The following ITFG1 variants were observed in gnomAD, a reference collection of about 807,000 sequenced individuals.
The protein encoded by ITFG1 is integrin alpha FG-GAP repeat containing 1.
In ITFG1, 34 loss-of-function variants were observed where a neutral mutation model predicts 81.8. The ratio of observed to expected loss-of-function variants is 0.42; its 90% CI spans 0.32 to 0.55. The LOEUF is 0.55. Among genes scored for constraint, ITFG1 ranks in the 20% least tolerant of loss-of-function variants. The probability of loss-of-function intolerance (pLI) is 0.17; values close to 1 mark genes in which losing one functional copy is unlikely to be tolerated. For synonymous variants in ITFG1, 285 were observed against 270.6 expected (o/e 1.05, Z -0.52); for missense variants, 672 against 755.4 (o/e 0.89, Z 1.29).
intron 8 of ITFG1, among the ~76,000 whole-genome samples, chr16:47,330,540 A>G (rs890037558): frequency 6.6e-6 from 1 of 152,150 alleles, no homozygotes; most frequent in South Asian, 2.1e-4. Context: ...TAAAAAGACA[A>G]CCTATAGAAT....
intron 9 of ITFG1, 52 bp from the exon 10 acceptor site, chr16:47,311,464 T>G: frequency 7.2e-7 from 1 of 1,393,672 alleles, no homozygotes; most frequent in Non-Finnish European, 9.6e-7. Context: ...ATAAAAAAAT[T>G]TATAATTTGC....
At chr16:47,367,026 A>G (rs1000809996) in intron 7 of ITFG1, among the ~76,000 whole-genome samples, 1 of 152,222 alleles carries the variant, frequency 6.6e-6, no homozygotes, top group Admixed American at 6.5e-5. Flanking sequence ...TTGGACCTCC[A>G]GTATTTCTGC....
chr16:47,266,214 G>T (rs951596421), intron 10 of ITFG1, among the ~76,000 whole-genome samples: 4 of 151,966 alleles, frequency 2.6e-5, no homozygotes, highest in Non-Finnish European at 4.4e-5. Flanking sequence ...AAATTTTTTT[G>T]TTTGTTTGTT....
chr16:47,373,367 C>T (rs943954410), intron 7 of ITFG1, among the ~76,000 whole-genome samples: 2 of 152,140 alleles, frequency 1.3e-5, no homozygotes, highest in Admixed American at 6.5e-5. Context: ...ACTGCAACCT[C>T]CACCTCCCAG....
intron 4 of ITFG1, 36 bp from the exon 5 acceptor site, chr16:47,451,506 T>C: frequency 8.9e-7 from 1 of 1,123,402 alleles, no homozygotes; most frequent in Non-Finnish European, 1.3e-6. Flanking sequence ...AGCTATTTCT[T>C]TAAATTCTTA....
At chr16:47,399,039 G>C (rs941764419) in intron 6 of ITFG1, among the ~76,000 whole-genome samples, 16 of 152,032 alleles carry the variant, frequency 1.1e-4, no homozygotes, top group African/African-American at 3.9e-4. Context: ...TCTCTTTACA[G>C]ACCAAAAAGA....
Position 47,459,143 on chromosome 16 carries a change from T to C in ITFG1, c.241A>G (p.Asn81Asp). 6.2e-7 allele frequency: 1 copy of C among 1,601,864 alleles called. No homozygotes were observed. The highest frequency in any genetic ancestry group is 2.2e-5 in the East Asian group (1 of 44,780). ...ACTTTGGGTTTAAAATAGGGTGCATTCTGGTCTGCCAAAAAGACGATTAAG... is the reference window on the plus strand; with the variant it reads ...ACTTTGGGTTTAAAATAGGGTGCATCCTGGTCTGCCAAAAAGACGATTAAG... Reference protein sequence around the residue: ...NDLIVFLADQNAPYFKPKVKV... With the variant: ...NDLIVFLADQDAPYFKPKVKV... The change falls in exon 2 of 18, where the codon AAT becomes GAT. Residue 81 changes from asparagine to aspartate, a missense_variant. Coordinates refer to ENST00000320640, the MANE Select transcript of ITFG1 (RefSeq NM_030790.5).
intron 8 of ITFG1, among the ~76,000 whole-genome samples, chr16:47,352,514 A>T (rs1967975778): frequency 6.6e-6 from 1 of 152,214 alleles, no homozygotes; most frequent in Admixed American, 6.5e-5. Flanking sequence ...TTGAGATACC[A>T]TCTATACCAG....
intron 9 of ITFG1, chr16:47,313,223 T>C (rs1967295869): frequency 6.6e-6 from 1 of 152,230 alleles, no homozygotes; most frequent in Admixed American, 6.5e-5. Flanking sequence ...CGTTATTCTA[T>C]CATTTATTAC....
At chr16:47,400,480 A>C (rs1405552323) in intron 6 of ITFG1, among the ~76,000 whole-genome samples, 1 of 152,028 alleles carries the variant, frequency 6.6e-6, no homozygotes, top group Non-Finnish European at 1.5e-5. Flanking sequence ...ACACACACAC[A>C]CACACACACC....
intron 10 of ITFG1, among the ~76,000 whole-genome samples, chr16:47,282,540 T>G (rs565113889): frequency 2.6e-5 from 4 of 152,300 alleles, no homozygotes; most frequent in Admixed American, 1.3e-4. Flanking sequence ...CTATGAATAG[T>G]GCTGCAAAAA....
intron 14 of ITFG1, among the ~76,000 whole-genome samples, chr16:47,204,114 AACT>A (rs1965462276): frequency 1.3e-5 from 2 of 152,296 alleles, no homozygotes; most frequent in South Asian, 4.1e-4. Flanking sequence ...TGCTAAGAAA[AACT>A]GTCCATGGTC....
At chr16:47,333,704 C>T (rs576474188) in intron 8 of ITFG1, among the ~76,000 whole-genome samples, 104 of 152,268 alleles carry the variant, frequency 6.8e-4, no homozygotes, top group South Asian at 2.1e-3. Flanking sequence ...GGTATGTTAC[C>T]GTACTTCCCT....
chr16:47,455,170 TG>T (rs1480632149), intron 2 of ITFG1, among the ~76,000 whole-genome samples: 1 of 152,218 alleles, frequency 6.6e-6, no homozygotes, highest in Admixed American at 6.5e-5. Flanking sequence ...AGAACATACA[TG>T]CAGGGCAAAA....
chr16:47,434,460 A>G (rs1365074489), intron 5 of ITFG1, among the ~76,000 whole-genome samples: 1 of 152,176 alleles, frequency 6.6e-6, no homozygotes, highest in Admixed American at 6.5e-5. Context: ...GCTCAACATC[A>G]CTGATCATTA....
chr16:47,364,772 A>G (rs1302079794), intron 8 of ITFG1, among the ~76,000 whole-genome samples: 1 of 152,238 alleles, frequency 6.6e-6, no homozygotes, highest in Non-Finnish European at 1.5e-5. Context: ...ATACATCCAT[A>G]TGACACTGAA....
chr16:47,362,737 G>C (rs1274384788), intron 8 of ITFG1, among the ~76,000 whole-genome samples: 3 of 152,090 alleles, frequency 2.0e-5, no homozygotes, highest in Non-Finnish European at 4.4e-5. Flanking sequence ...AGACTTATTA[G>C]CACTTTTTCC....
intron 13 of ITFG1, among the ~76,000 whole-genome samples, chr16:47,220,778 G>C (rs1357540226): frequency 6.6e-6 from 1 of 152,118 alleles, no homozygotes; most frequent in Non-Finnish European, 1.5e-5. Flanking sequence ...ATATTTTAGT[G>C]TAACAGAGTA....
intron 13 of ITFG1, among the ~76,000 whole-genome samples, chr16:47,220,781 A>G (rs1289337168): frequency 1.3e-5 from 2 of 152,202 alleles, no homozygotes; most frequent in African/African-American, 2.4e-5. Flanking sequence ...TTTTAGTGTA[A>G]CAGAGTAGTG....
Sources: gnomAD v4.1 joint callset for allele counts (sites outside exome capture counted in the v4.1 genomes callset) on GRCh38, gnomAD v4.1.1 for gene constraint, MANE v1.5 for transcripts, NCBI Gene and HGNC (gene_info 2026-07-23, HGNC 2026-07-21) for gene names.